The following CLVS1 variants were observed in gnomAD, a reference collection of about 807,000 sequenced individuals.
CLVS1 encodes clavesin-1.
CLVS1 carries 10 observed loss-of-function variants against 33.1 expected under a neutral mutation model. The observed-to-expected ratio is 0.30, with a 90% CI of 0.19 to 0.51. The LOEUF is 0.51. Among genes scored for constraint, CLVS1 ranks in the 20% least tolerant of loss-of-function variants. CLVS1 has a pLI of 0.97. For missense variants in CLVS1, 343 were observed against 433.4 expected (o/e 0.79, Z 1.85); for synonymous variants, 163 against 166.1 (o/e 0.98, Z 0.14).
At chr8:61,010,667 A>G in the CLVS1 span, among the ~76,000 whole-genome samples, 1 of 152,182 alleles carries the variant, frequency 6.6e-6, no homozygotes, top group Non-Finnish European at 1.5e-5. Context: ...ATTACACTAA[A>G]CAGGCAATTC....
intron 2 of CLVS1, chr8:61,202,836 A>T (rs1000074334): frequency 8.8e-6 from 9 of 1,020,258 alleles, no homozygotes; most frequent in Non-Finnish European, 1.2e-5. Flanking sequence ...CTGCTGATGA[A>T]GATGATGATG....
chr8:61,402,285 A>T lies in CLVS1; in HGVS notation c.630+25506A>T, dbSNP rs149399280. Among the ~76,000 whole-genome samples the T allele has an allele frequency of 4.1e-4, 62 of 152,264 alleles. No individual in the cohort carries two copies. In the East Asian group the frequency reaches 5.6e-3, roughly 14 times the overall value. Reference sequence around the variant, plus strand: ...AATTAAAAGGCATGTCAAGCAAAAAAAAAGATGTGGGAAGCTAGAGTTCTC... The same window carrying T: ...AATTAAAAGGCATGTCAAGCAAAAATAAAGATGTGGGAAGCTAGAGTTCTC... On this transcript the variant is annotated intron_variant, in intron 3 of 5. Coordinates refer to ENST00000325897, the MANE Select transcript of CLVS1 (RefSeq NM_173519.3).
At chr8:61,485,280 C>T (rs1332222684) in intron 5 of CLVS1, among the ~76,000 whole-genome samples, 7 of 152,114 alleles carry the variant, frequency 4.6e-5, no homozygotes, top group African/African-American at 1.7e-4. Flanking sequence ...AAAAAGTGGA[C>T]AAAGGATATG....
At chr8:61,187,828 T>A (rs2129302005) in intron 2 of CLVS1, among the ~76,000 whole-genome samples, 1 of 149,990 alleles carries the variant, frequency 6.7e-6, no homozygotes, top group South Asian at 2.1e-4. Flanking sequence ...TGATTATATA[T>A]GTATACATAC....
intron 1 of CLVS1, among the ~76,000 whole-genome samples, chr8:61,293,204 G>A (rs1316695083): frequency 2.0e-5 from 3 of 152,128 alleles, no homozygotes; most frequent in Non-Finnish European, 4.4e-5. Context: ...TTCTGGTCAC[G>A]TTATGCTTTC....
At chr8:61,239,358 T>C (rs1242633967) in intron 2 of CLVS1, among the ~76,000 whole-genome samples, 1 of 152,212 alleles carries the variant, frequency 6.6e-6, no homozygotes, top group East Asian at 1.9e-4. Context: ...ATTTCTTTTA[T>C]TGTTGTTGTG....
the CLVS1 span, among the ~76,000 whole-genome samples, chr8:61,030,467 G>A: frequency 6.6e-6 from 1 of 152,188 alleles, no homozygotes; most frequent in Non-Finnish European, 1.5e-5. Flanking sequence ...AAATAAAGGC[G>A]ACTGCATCTT....
At chr8:61,076,270 C>T (rs927665866) in intron 1 of CLVS1, among the ~76,000 whole-genome samples, 3 of 152,004 alleles carry the variant, frequency 2.0e-5, no homozygotes, top group African/African-American at 7.3e-5. Context: ...CCCCTATTTA[C>T]AGTTTATGAT....
At chr8:61,302,553 A>G (rs574924885) in intron 2 of CLVS1, among the ~76,000 whole-genome samples, 32 of 152,338 alleles carry the variant, frequency 2.1e-4, no homozygotes, top group Middle Eastern at 3.4e-3. Flanking sequence ...TCCAACTGCA[A>G]TAGAATAATT....
intron 2 of CLVS1, among the ~76,000 whole-genome samples, chr8:61,325,227 C>T (rs577889832): frequency 2.1e-4 from 32 of 152,198 alleles, no homozygotes. Flanking sequence ...CACACATACA[C>T]ACACACAGTA....
chr8:61,387,062 C>T (rs1416428217), intron 3 of CLVS1, among the ~76,000 whole-genome samples: 1 of 152,090 alleles, frequency 6.6e-6, no homozygotes, highest in African/African-American at 2.4e-5. Context: ...AACATATAGT[C>T]CAAATTCACC....
intron 2 of CLVS1, among the ~76,000 whole-genome samples, chr8:61,196,787 C>T (rs1417034035): frequency 6.6e-6 from 1 of 152,214 alleles, no homozygotes; most frequent in African/African-American, 2.4e-5. Flanking sequence ...ATAACATCTT[C>T]ATAAATTTTA....
At chr8:61,300,642 T>C (rs770868322) in intron 2 of CLVS1, 2 of 176,092 alleles carry the variant, frequency 1.1e-5, no homozygotes, top group Non-Finnish European at 2.4e-5. Context: ...TAATATCAAG[T>C]ATTTTCAATG....
At chr8:61,107,670 G>A (rs1414337324) in intron 1 of CLVS1, among the ~76,000 whole-genome samples, 1 of 152,204 alleles carries the variant, frequency 6.6e-6, no homozygotes, top group African/African-American at 2.4e-5. Context: ...GATGGCAGCT[G>A]GTTCTCCGTG....
At chr8:60,995,010 A>G in the CLVS1 span, among the ~76,000 whole-genome samples, 22 of 152,022 alleles carry the variant, frequency 1.4e-4, no homozygotes, top group Non-Finnish European at 3.1e-4. Context: ...ACAAAAATCA[A>G]TTCAAGATGG....
chr8:61,167,980 C>A (rs1412027080), intron 2 of CLVS1, among the ~76,000 whole-genome samples: 1 of 152,240 alleles, frequency 6.6e-6, no homozygotes, highest in Non-Finnish European at 1.5e-5. Context: ...GCCCCCAGGG[C>A]TGCTCTGTCT....
At chr8:61,244,136 TGACC>T (rs755523698) in intron 2 of CLVS1, among the ~76,000 whole-genome samples, 22 of 152,106 alleles carry the variant, frequency 1.4e-4, no homozygotes, top group South Asian at 2.1e-4. Context: ...CATGCAGAGA[TGACC>T]AGAGGATGGA....
chr8:61,238,383 C>T (rs1038535455), intron 2 of CLVS1, among the ~76,000 whole-genome samples: 4 of 151,842 alleles, frequency 2.6e-5, no homozygotes, highest in Non-Finnish European at 5.9e-5. Flanking sequence ...TCTGACTGTC[C>T]CTCTCCTCCC....
chr8:61,114,749 A>C (rs1369589506), intron 1 of CLVS1, among the ~76,000 whole-genome samples: 1 of 152,242 alleles, frequency 6.6e-6, no homozygotes, highest in African/African-American at 2.4e-5. Context: ...AAGTGAATAG[A>C]AATCTTTATT....
Sources: gnomAD v4.1 joint callset for allele counts (sites outside exome capture counted in the v4.1 genomes callset) on GRCh38, gnomAD v4.1.1 for gene constraint, MANE v1.5 for transcripts, NCBI Gene and HGNC (gene_info 2026-07-23, HGNC 2026-07-21) for gene names.